SLC7A14: variants seen among roughly 807,000 people sequenced by gnomAD.
SLC7A14 encodes solute carrier family 7 member 14.
A neutral mutation model predicts 60.2 loss-of-function variants in SLC7A14; 37 were observed. That is an observed-to-expected ratio of 0.61 (90% CI 0.47 to 0.81). The LOEUF (loss-of-function observed/expected upper bound fraction) is 0.81, where lower values mean the gene tolerates loss of function less well. Among genes scored for constraint, SLC7A14 ranks in the 30% least tolerant of loss-of-function variants. The pLI, the probability that SLC7A14 is intolerant of heterozygous loss-of-function variation, is 0.00. For synonymous variants in SLC7A14, 399 were observed against 395.8 expected, an observed-to-expected ratio of 1.01 and a Z score of -0.10; for missense variants, 886 against 982.7, an observed-to-expected ratio of 0.90 and a Z score of 1.32.
At chr3:170,467,672 G>T (rs748558182) in intron 7 of SLC7A14, among the ~76,000 whole-genome samples, 1 of 152,152 alleles carries the variant, frequency 6.6e-6, no homozygotes, top group African/African-American at 2.4e-5. Context: ...CTGGTGTTGA[G>T]AACTGGCTGC....
At chr3:170,470,852 T>G (rs969033750) in intron 7 of SLC7A14, among the ~76,000 whole-genome samples, 2 of 152,144 alleles carry the variant, frequency 1.3e-5, no homozygotes, top group Admixed American at 6.6e-5. Context: ...AGCAGGGTGT[T>G]TTGTTTCTGC....
chr3:170,553,088 CT>C (rs1714393544), intron 1 of SLC7A14, among the ~76,000 whole-genome samples: 1 of 151,036 alleles, frequency 6.6e-6, no homozygotes, highest in African/African-American at 2.5e-5. Flanking sequence ...CCCAAAGTGC[CT>C]TTTGGGGGGA....
At chr3:170,483,805 C>T (rs1711927035) in intron 5 of SLC7A14, among the ~76,000 whole-genome samples, 1 of 152,186 alleles carries the variant, frequency 6.6e-6, no homozygotes, top group Admixed American at 6.5e-5. Context: ...TATTTCAGCC[C>T]CATGAGCAGA....
intron 1 of SLC7A14, among the ~76,000 whole-genome samples, chr3:170,582,959 A>G (rs568206389): frequency 5.3e-5 from 8 of 152,192 alleles, no homozygotes; most frequent in Non-Finnish European, 8.8e-5. Flanking sequence ...GGAGCCACCT[A>G]CTTGACAGAA....
intron 3 of SLC7A14, among the ~76,000 whole-genome samples, chr3:170,500,385 G>C (rs1712565013): frequency 7.0e-6 from 1 of 142,384 alleles, no homozygotes; most frequent in African/African-American, 2.6e-5. Context: ...GTTGCAGTGA[G>C]CCCAGATCAT....
intron 2 of SLC7A14, among the ~76,000 whole-genome samples, chr3:170,517,645 G>C (rs921587436): frequency 6.6e-6 from 1 of 152,158 alleles, no homozygotes; most frequent in Non-Finnish European, 1.5e-5. Context: ...ATGAATACTG[G>C]AATGGGGAGC....
rs1739568164 is a variant in SLC7A14, at chr3:170,460,245, A to G, written c.*6810T>C. On this transcript the variant is annotated 3_prime_UTR_variant, in exon 8 of 8. Coordinates refer to ENST00000231706, the MANE Select transcript of SLC7A14 (RefSeq NM_020949.3). ...AAGAAACAAGTTAGTAAAATTTACA[A>G]GCTGTATTTATAACTTTGGATATTA... 1 of 152,234 alleles carries G rather than the reference A, an allele frequency of 6.6e-6. No individual in the cohort carries two copies. The highest frequency in any genetic ancestry group is 1.5e-5 in the Non-Finnish European group (1 of 68,046). The allele number at this position is 152,234 out of a possible 1,614,324, so 9.4% of individuals were successfully genotyped here.
chr3:170,472,195 C>T (rs1441490659), intron 7 of SLC7A14, among the ~76,000 whole-genome samples: 2 of 147,940 alleles, frequency 1.4e-5, no homozygotes, highest in Non-Finnish European at 3.0e-5. Flanking sequence ...ATGGTGAAAC[C>T]CCGTCTACTA....
In SLC7A14 at chr3:170,483,350, A is replaced by G. The variant is rs753097920; in HGVS notation, c.1079T>C (p.Val360Ala). ...CCCGTCACCAGCCATGGCATAAATG[A>G]CCCTCGGCATCGGGAAGAGGGACCC... is the stretch of plus-strand genomic sequence containing the variant. ...LLGSLFPMPR[V>A]IYAMAGDGLL... The change falls in exon 6 of 8, where the codon GTC becomes GCC. Residue 360 changes from valine (V) to alanine (A), a missense_variant. Val to Ala is a moderately conservative substitution (Grantham distance 64). Transcript: ENST00000231706. 1 of 1,613,840 alleles carries G rather than the reference A, an allele frequency of 6.2e-7. No homozygotes were observed. The highest frequency in any genetic ancestry group is 8.5e-7 in the Non-Finnish European group (1 of 1,179,950).
intron 4 of SLC7A14, among the ~76,000 whole-genome samples, chr3:170,492,608 C>T (rs975057683): frequency 6.6e-6 from 1 of 152,198 alleles, no homozygotes; most frequent in Non-Finnish European, 1.5e-5. Context: ...AGAGTTCATC[C>T]CTCTAGAATG....
intron 1 of SLC7A14, among the ~76,000 whole-genome samples, chr3:170,561,862 A>G (rs559445543): frequency 2.4e-4 from 36 of 152,346 alleles, no homozygotes; most frequent in African/African-American, 7.7e-4. Context: ...AAGAAAAGAT[A>G]TACAAGTGGC....
At chr3:170,481,206 C>T (rs900572535) in intron 6 of SLC7A14, 40 bp from the exon 7 acceptor site, 10 of 1,576,804 alleles carry the variant, frequency 6.3e-6, no homozygotes, top group Non-Finnish European at 7.7e-6. Flanking sequence ...TGGTGAGCTA[C>T]AGTGACCGAT....
intron 1 of SLC7A14, among the ~76,000 whole-genome samples, chr3:170,540,468 TC>T (rs1713989875): frequency 6.6e-6 from 1 of 151,946 alleles, no homozygotes; most frequent in East Asian, 1.9e-4. Flanking sequence ...TTTTTTTTTT[TC>T]ATCTGGCAGG....
intron 7 of SLC7A14, among the ~76,000 whole-genome samples, chr3:170,472,091 G>T (rs1739925561): frequency 1.3e-5 from 2 of 152,062 alleles, no homozygotes; most frequent in South Asian, 4.2e-4. Flanking sequence ...TATTCTGGCT[G>T]GGCACGGTGG....
chr3:170,572,984 T>TA (rs1021485397), intron 1 of SLC7A14, among the ~76,000 whole-genome samples: 4 of 152,004 alleles, frequency 2.6e-5, no homozygotes, highest in East Asian at 1.9e-4. Context: ...GCGTGATTTT[T>TA]AAAAAAAACC....
Position 170,585,528 on chromosome 3 carries a change from C to T in SLC7A14, c.-153+383G>A, listed in dbSNP as rs1715360036. Among the ~76,000 whole-genome samples, 1 of 152,192 alleles carries T rather than the reference C, an allele frequency of 6.6e-6. No individual in the cohort carries two copies. The highest frequency in any genetic ancestry group is 1.5e-5 in the Non-Finnish European group (1 of 68,024). On this transcript the variant is annotated intron_variant, in intron 1 of 7. Coordinates refer to ENST00000231706, the MANE Select transcript of SLC7A14 (RefSeq NM_020949.3). The surrounding 1 kb of genome is among the most constrained non-coding windows in gnomAD (Gnocchi z 5.1). ...AAGGCGGGGGACAGGACGGGCCCGG[C>T]GTCTGCCGAGACCTAGGCTGCCCGC...
chr3:170,553,479 G>A (rs368254425), intron 1 of SLC7A14, among the ~76,000 whole-genome samples: 55 of 152,110 alleles, frequency 3.6e-4, no homozygotes, highest in Middle Eastern at 3.4e-3. Flanking sequence ...CATCATCGTC[G>A]TCATCATCAT....
At chr3:170,547,863 G>A (rs559747251) in intron 1 of SLC7A14, among the ~76,000 whole-genome samples, 3 of 152,264 alleles carry the variant, frequency 2.0e-5, no homozygotes, top group Admixed American at 2.0e-4. Context: ...GCCTTTTAAT[G>A]GAAATTGAAG....
chr3:170,476,538 A>G (rs1711622378), intron 7 of SLC7A14, among the ~76,000 whole-genome samples: 1 of 152,222 alleles, frequency 6.6e-6, no homozygotes, highest in Non-Finnish European at 1.5e-5. Context: ...AAAGGCGCTC[A>G]GGGAGTTTTC....
Sources: gnomAD v4.1 joint callset for allele counts (sites outside exome capture counted in the v4.1 genomes callset) on GRCh38, gnomAD v4.1.1 for gene constraint, Gnocchi (gnomAD v3.1) non-coding constraint, MANE v1.5 for transcripts, NCBI Gene and HGNC (gene_info 2026-07-23, HGNC 2026-07-21) for gene names.